Variants in CSMD1 observed in about 807,000 individuals in gnomAD.
CSMD1 encodes the protein CUB and sushi domain-containing protein 1.
Under a neutral mutation model 417.5 loss-of-function variants are expected in CSMD1, and 213 were observed. The ratio of observed to expected loss-of-function variants is 0.51; its 90% CI spans 0.46 to 0.57. The LOEUF (loss-of-function observed/expected upper bound fraction) is 0.57. Ranked by LOEUF, CSMD1 falls within the 20% of genes least tolerant of loss-of-function variation. The pLI is 0.00. For synonymous variants in CSMD1, 2,862 were observed against 1,736.8 expected (o/e 1.65, Z -16.11); for missense variants, 6,923 against 4,529.7 (o/e 1.53, Z -15.17).
intron 5 of CSMD1, among the ~76,000 whole-genome samples, chr8:3,926,014 T>TACAC (rs10635075): frequency 0.11 from 13,252 of 123,216 alleles, 1,017 homozygotes; most frequent in African/African-American, 0.2. Flanking sequence ...TATTTGTCTA[T>TACAC]ACACACACAC....
intron 2 of CSMD1, among the ~76,000 whole-genome samples, chr8:4,458,413 A>T (rs1799616099): frequency 6.6e-6 from 1 of 152,204 alleles, no homozygotes. Context: ...GATTATTGGC[A>T]GTGATTTTTA....
intron 3 of CSMD1, among the ~76,000 whole-genome samples, chr8:4,057,697 A>G (rs1375339701): frequency 4.6e-5 from 7 of 151,556 alleles, no homozygotes; most frequent in Non-Finnish European, 8.8e-5. Context: ...ATCTATCTTG[A>G]ATTGATTTCT....
chr8:4,179,424 A>G (rs1029234755), intron 3 of CSMD1, among the ~76,000 whole-genome samples: 1 of 152,084 alleles, frequency 6.6e-6, no homozygotes, highest in African/African-American at 2.4e-5. Context: ...TACAAAAATC[A>G]ATTCAAGATG....
intron 3 of CSMD1, among the ~76,000 whole-genome samples, chr8:4,367,944 C>T (rs986088755): frequency 6.6e-5 from 10 of 152,206 alleles, no homozygotes; most frequent in African/African-American, 1.4e-4. Flanking sequence ...GTTCTAGAAG[C>T]CTTCTGGCAG....
At chr8:3,848,912 A>T (rs1305019556) in intron 5 of CSMD1, among the ~76,000 whole-genome samples, 1 of 151,056 alleles carries the variant, frequency 6.6e-6, no homozygotes, top group Non-Finnish European at 1.5e-5. Flanking sequence ...ATATCTAGAT[A>T]TCATATACAT....
intron 50 of CSMD1, among the ~76,000 whole-genome samples, chr8:3,038,799 G>C (rs1276244552): frequency 6.6e-6 from 1 of 152,074 alleles, no homozygotes; most frequent in Non-Finnish European, 1.5e-5. Flanking sequence ...GTAATTTGTT[G>C]ATTATGATGA....
intron 1 of CSMD1, among the ~76,000 whole-genome samples, chr8:4,698,965 G>A (rs112408274): frequency 0.014 from 2,096 of 150,490 alleles, 34 homozygotes; most frequent in African/African-American, 0.037. Context: ...GAACGAACAC[G>A]TCAGGATTAT....
chr8:3,290,507 G>T lies in CSMD1; in HGVS notation c.3951-6161C>A, dbSNP rs1803469606. On this transcript the variant is annotated intron_variant, in intron 25 of 69. Coordinates refer to ENST00000635120, the MANE Select transcript of CSMD1 (RefSeq NM_033225.6). The stretch of plus-strand genomic sequence containing the variant: ...TTGTATCCTTTTATTTCCTTGAGCA[G>T]TGGTTTGTAGTTCTCCTTGAAGAGG... 5.5e-5 allele frequency among the ~76,000 whole-genome samples: 8 copies of T among 144,552 alleles called. 1 individual carries two copies. The South Asian group carries it at 1.1e-3, about 19-fold the overall frequency. The allele number at this position is 144,552 out of a possible 152,430, so 94.8% of individuals were successfully genotyped here.
At chr8:3,190,239 C>G in intron 33 of CSMD1, 124 bp from the exon 34 acceptor site, 1 of 626,310 alleles carries the variant, frequency 1.6e-6, no homozygotes, top group Admixed American at 3.0e-5. Context: ...AATAACGACT[C>G]CAACAATCGC....
rs182617781 is a variant in CSMD1, at chr8:3,467,730, G to T, written c.1561+982C>A. 1.4e-4 allele frequency among the ~76,000 whole-genome samples: 22 copies of T among 152,246 alleles called. No individual in the cohort carries two copies. In the East Asian group the frequency reaches 4.1e-3, roughly 28 times the overall value. On this transcript the variant is annotated intron_variant, in intron 12 of 69. Transcript: ENST00000635120. ...AGAGAGAGCAGCCAAGGTGTGGCGT[G>T]TTCACTCACATGGACTCATGACAAT... is the stretch of plus-strand genomic sequence containing the variant.
chr8:3,357,935 AT>A (rs1291016209), intron 21 of CSMD1, among the ~76,000 whole-genome samples: 1 of 152,164 alleles, frequency 6.6e-6, no homozygotes, highest in East Asian at 1.9e-4. Context: ...TATTTGTTTA[AT>A]TTTTTAATAA....
chr8:4,785,417 G>A (rs559400430), intron 1 of CSMD1, among the ~76,000 whole-genome samples: 3 of 152,208 alleles, frequency 2.0e-5, no homozygotes, highest in Admixed American at 6.5e-5. Context: ...GTACCAAAAT[G>A]CCCCCACAGT....
intron 26 of CSMD1, among the ~76,000 whole-genome samples, chr8:3,248,393 A>G (rs1007066923): frequency 2.6e-5 from 4 of 152,094 alleles, no homozygotes; most frequent in Non-Finnish European, 4.4e-5. Context: ...CTTCCCACCT[A>G]TGAAGTCCTT....
intron 6 of CSMD1, among the ~76,000 whole-genome samples, chr8:3,744,083 T>C (rs773971390): frequency 3.9e-5 from 6 of 152,164 alleles, no homozygotes; most frequent in Non-Finnish European, 7.3e-5. Flanking sequence ...TAGACCTGTC[T>C]CCCCAGCATG....
chr8:4,363,395 T>C (rs1801888066), intron 3 of CSMD1, among the ~76,000 whole-genome samples: 1 of 151,996 alleles, frequency 6.6e-6, no homozygotes, highest in African/African-American at 2.4e-5. Context: ...GTAAGAGGGA[T>C]AAAAAAATGT....
chr8:3,655,389 C>G (rs775161226), intron 7 of CSMD1, among the ~76,000 whole-genome samples: 34 of 152,204 alleles, frequency 2.2e-4, no homozygotes, highest in Non-Finnish European at 4.4e-4. Context: ...TTCACTATTA[C>G]TCTAGTCACA....
intron 37 of CSMD1, among the ~76,000 whole-genome samples, chr8:3,170,505 G>C (rs914085519): frequency 6.6e-6 from 1 of 152,174 alleles, no homozygotes; most frequent in Non-Finnish European, 1.5e-5. Context: ...ACCGTGCCCG[G>C]CCCGAGCTTT....
chr8:4,792,826 C>A (rs1315911788), intron 1 of CSMD1, among the ~76,000 whole-genome samples: 1 of 152,112 alleles, frequency 6.6e-6, no homozygotes, highest in Non-Finnish European at 1.5e-5. Flanking sequence ...CCAAGTGTTT[C>A]CAAAGCTCAA....
intron 1 of CSMD1, among the ~76,000 whole-genome samples, chr8:4,686,631 G>T (rs1584945005): frequency 6.6e-6 from 1 of 152,300 alleles, no homozygotes; most frequent in East Asian, 1.9e-4. Flanking sequence ...CTTCATCAAA[G>T]CCATAAGTGA....
Sources: gnomAD v4.1 joint callset for allele counts (sites outside exome capture counted in the v4.1 genomes callset) on GRCh38, gnomAD v4.1.1 for gene constraint, MANE v1.5 for transcripts, NCBI Gene and HGNC (gene_info 2026-07-23, HGNC 2026-07-21) for gene names.